The following WDFY3 variants were observed in gnomAD, a reference collection of about 807,000 sequenced individuals.
The protein encoded by WDFY3 is WD repeat and FYVE domain containing 3.
WDFY3 carries 66 observed loss-of-function variants against 409.6 expected under a neutral mutation model. The ratio of observed to expected loss-of-function variants is 0.16; its 90% confidence interval spans 0.13 to 0.20. The LOEUF is 0.20. Ranked by LOEUF, WDFY3 falls within the 10% of genes least tolerant of loss-of-function variation. The pLI, the probability that WDFY3 is intolerant of heterozygous loss-of-function variation, is 1.00. For synonymous variants in WDFY3, 1,521 were observed against 1,537.1 expected (o/e 0.99, Z 0.25); for missense variants, 3,031 against 4,298.1 (o/e 0.71, Z 8.24).
chr4:84,854,785 T>C (rs1178753276), intron 4 of WDFY3, among the ~76,000 whole-genome samples: 1 of 152,192 alleles, frequency 6.6e-6, no homozygotes, highest in Non-Finnish European at 1.5e-5. Context: ...GGCACATGCC[T>C]ATAGTCCCAG....
At chr4:84,766,983 C>A (rs572696964) in intron 30 of WDFY3, among the ~76,000 whole-genome samples, 1 of 152,154 alleles carries the variant, frequency 6.6e-6, no homozygotes. Context: ...AGCTCTCCTC[C>A]AGCAGAGCTA....
intron 3 of WDFY3, among the ~76,000 whole-genome samples, chr4:84,872,734 G>A (rs1313287660): frequency 1.3e-5 from 2 of 152,100 alleles, no homozygotes; most frequent in African/African-American, 4.8e-5. Flanking sequence ...GTATCTATAT[G>A]AATGTAACTT....
chr4:84,895,718 T>G (rs890674499), intron 3 of WDFY3, among the ~76,000 whole-genome samples: 1 of 152,172 alleles, frequency 6.6e-6, no homozygotes, highest in Non-Finnish European at 1.5e-5. Context: ...ATAAAGGCAG[T>G]GCCAGTAGAG....
In WDFY3 at chr4:84,702,512, G is replaced by A; in HGVS notation, c.8443-6C>T. ...GCCAGGTCAAAGTGGCCACCCTGTG[G>A]GCAGAATAAGACACCTCTCTATTAG... On this transcript the variant is annotated splice_polypyrimidine_tract_variant and splice_region_variant and intron_variant, in intron 55 of 67. Coordinates refer to ENST00000295888, the MANE Select transcript of WDFY3 (RefSeq NM_014991.6). 1 of 1,598,338 alleles carries A rather than the reference G, an allele frequency of 6.3e-7. No homozygotes were observed. The highest frequency in any genetic ancestry group is 8.5e-7 in the Non-Finnish European group (1 of 1,173,936).
chr4:84,722,001 T>C (rs902106004), intron 46 of WDFY3, among the ~76,000 whole-genome samples: 8 of 152,164 alleles, frequency 5.3e-5, no homozygotes, highest in Non-Finnish European at 7.3e-5. Flanking sequence ...AAAGCTATAA[T>C]AGTAAGAATG....
In WDFY3 at chr4:84,711,360, C is replaced by T. The variant is rs1025661073; in HGVS notation, c.8042+1799G>A. Among the ~76,000 whole-genome samples the T allele has an allele frequency of 6.4e-4, 97 of 152,030 alleles. 5 individuals are homozygous for T. Among genetic ancestry groups the T allele is most frequent in the Non-Finnish European group, 4.4e-5 (3 of 67,996 alleles). ...GGAAATCTGCAACAAATATGACAAG[C>T]AAAGGAGTAATACCTTATGGTAGAA... On this transcript the variant is annotated intron_variant, in intron 51 of 67. Transcript: ENST00000295888.
At chr4:84,736,086 T>C (rs1737390049) in intron 42 of WDFY3, 84 bp downstream of exon 42, 1 of 1,410,478 alleles carries the variant, frequency 7.1e-7, no homozygotes, top group Non-Finnish European at 9.4e-7. Context: ...CAGAAAAGTT[T>C]CATTTCCAAT....
chr4:84,669,717 A>C lies in WDFY3; in HGVS notation c.*3151T>G, dbSNP rs183984731. 111 of 149,274 alleles carry C rather than the reference A, an allele frequency of 7.4e-4. 1 individual carries two copies. The highest frequency in any genetic ancestry group is 1.2e-3 in the Non-Finnish European group (84 of 67,394). 9.2% of individuals were successfully genotyped at this position (149,274 alleles called of 1,614,324 possible). On this transcript the variant is annotated 3_prime_UTR_variant, in exon 68 of 68. Coordinates refer to ENST00000295888, the MANE Select transcript of WDFY3 (RefSeq NM_014991.6). ...ACTGCACACTAGATAGTAATTCTTC[A>C]GGTCTTTTACATAACCACCAAGAAA...
chr4:84,943,164 T>C (rs1772360501), intron 1 of WDFY3, among the ~76,000 whole-genome samples: 2 of 152,234 alleles, frequency 1.3e-5, no homozygotes, highest in African/African-American at 2.4e-5. Flanking sequence ...CTCTTCCTTA[T>C]GATTTTCTTA....
At chr4:84,683,350 C>T (rs1174819156) in intron 63 of WDFY3, among the ~76,000 whole-genome samples, 3 of 152,020 alleles carry the variant, frequency 2.0e-5, no homozygotes, top group African/African-American at 7.3e-5. Context: ...ACAAAGAGCA[C>T]AATTAAAGAA....
intron 3 of WDFY3, among the ~76,000 whole-genome samples, chr4:84,888,981 T>C (rs1561009935): frequency 1.3e-5 from 2 of 152,330 alleles, no homozygotes; most frequent in East Asian, 1.9e-4. Context: ...ACACTGATTT[T>C]ATGCTTTTAT....
At chr4:84,850,072 CTTTT>C in intron 4 of WDFY3, 47 bp from the exon 5 acceptor site, 1 of 1,531,488 alleles carries the variant, frequency 6.5e-7, no homozygotes, top group Non-Finnish European at 8.7e-7. Flanking sequence ...ACAAATTTTT[CTTTT>C]TATTTTGTGA....
At chr4:84,773,035 C>CTTTT (rs371430227) in intron 29 of WDFY3, 106 bp from the exon 30 acceptor site, 2 of 591,196 alleles carry the variant, frequency 3.4e-6, no homozygotes, top group Admixed American at 4.5e-5. Flanking sequence ...CAAAACAGTA[C>CTTTT]TTTTTTTTTT....
intron 2 of WDFY3, among the ~76,000 whole-genome samples, chr4:84,901,475 G>C (rs1247168602): frequency 6.6e-6 from 1 of 152,194 alleles, no homozygotes; most frequent in Non-Finnish European, 1.5e-5. Context: ...GCCCCCACCA[G>C]AGGGAGTTTC....
At chr4:84,817,243 T>TC (rs1753430892) in intron 13 of WDFY3, 149 bp downstream of exon 13, 2 of 925,116 alleles carry the variant, frequency 2.2e-6, no homozygotes, top group Non-Finnish European at 3.3e-6. Flanking sequence ...CTGGAGTTTT[T>TC]CCAAGTTCCT....
Position 84,739,149 on chromosome 4 carries a change from T to G in WDFY3, c.6465-30A>C, listed in dbSNP as rs780535395. On this transcript the variant is annotated intron_variant, in intron 39 of 67. Transcript: ENST00000295888. The stretch of plus-strand genomic sequence containing the variant: ...AAAATTCCAGTCAGTTTAAACTTTA[T>G]GAAGGAAATGATTAGCTGAAGACTA... 7.5e-6 allele frequency: 12 copies of G among 1,603,300 alleles called. No individual in the cohort carries two copies. In the South Asian group the frequency reaches 1.3e-4, roughly 18 times the overall value.
At chr4:84,924,028 C>T (rs573246397) in intron 2 of WDFY3, among the ~76,000 whole-genome samples, 16 of 152,082 alleles carry the variant, frequency 1.1e-4, no homozygotes, top group Non-Finnish European at 2.1e-4. Flanking sequence ...TTAATAGAAA[C>T]ATTTATATAA....
At chr4:84,766,892 C>A (rs964432005) in intron 30 of WDFY3, among the ~76,000 whole-genome samples, 2 of 152,144 alleles carry the variant, frequency 1.3e-5, no homozygotes, top group Non-Finnish European at 2.9e-5. Flanking sequence ...AGAGAAGAAA[C>A]GAAGAAATGG....
intron 44 of WDFY3, 80 bp downstream of exon 44, chr4:84,733,302 A>C: frequency 6.9e-7 from 1 of 1,457,588 alleles, no homozygotes; most frequent in Non-Finnish European, 9.3e-7. Flanking sequence ...GAGGTAATTG[A>C]CTAAATAGAG....
Sources: gnomAD v4.1 joint callset for allele counts (sites outside exome capture counted in the v4.1 genomes callset) on GRCh38, gnomAD v4.1.1 for gene constraint, MANE v1.5 for transcripts, NCBI Gene and HGNC (gene_info 2026-07-23, HGNC 2026-07-21) for gene names.